Variants in RBFOX1 observed in about 807,000 individuals in gnomAD.
The protein encoded by RBFOX1 is RNA binding fox-1 homolog 1.
In RBFOX1, 8 loss-of-function variants were observed where a neutral mutation model predicts 57.7. The ratio of observed to expected loss-of-function variants is 0.14; its 90% CI spans 0.08 to 0.25. RBFOX1 has a LOEUF of 0.25. Among genes scored for constraint, RBFOX1 ranks in the 10% least tolerant of loss-of-function variants. The pLI, the probability that RBFOX1 is intolerant of heterozygous loss-of-function variation, is 1.00. For missense variants in RBFOX1, 611 were observed against 548.5 expected (o/e 1.11, Z -1.14); for synonymous variants, 326 against 222.4 (o/e 1.47, Z -4.15).
chr16:5,631,525 C>G (rs1198589807), intron 3 of RBFOX1, among the ~76,000 whole-genome samples: 2 of 151,614 alleles, frequency 1.3e-5, no homozygotes, highest in Non-Finnish European at 2.9e-5. Flanking sequence ...CCACTGCACT[C>G]CAGCCTGGTG....
chr16:7,585,939 G>C (rs891009992), intron 6 of RBFOX1, among the ~76,000 whole-genome samples: 1 of 151,798 alleles, frequency 6.6e-6, no homozygotes, highest in Non-Finnish European at 1.5e-5. Context: ...CAGTCGCTCT[G>C]TCCGCTGCCA....
At chr16:7,606,951 T>C (rs758883168) in intron 9 of RBFOX1, among the ~76,000 whole-genome samples, 1 of 152,154 alleles carries the variant, frequency 6.6e-6, no homozygotes, top group African/African-American at 2.4e-5. Context: ...AGCAGTGATA[T>C]ATAAAATAAG....
intron 2 of RBFOX1, among the ~76,000 whole-genome samples, chr16:6,631,506 C>G (rs1370794171): frequency 6.6e-6 from 1 of 151,902 alleles, no homozygotes; most frequent in Admixed American, 6.6e-5. Context: ...ACTCCATTCG[C>G]TCCTGAACAA....
At chr16:5,917,432 C>G (rs576140240) in intron 4 of RBFOX1, among the ~76,000 whole-genome samples, 1 of 152,192 alleles carries the variant, frequency 6.6e-6, no homozygotes, top group Non-Finnish European at 1.5e-5. Context: ...TTTATAAAAA[C>G]AGAGAGGTTG....
chr16:6,615,428 G>C (rs1340469589), intron 2 of RBFOX1, among the ~76,000 whole-genome samples: 13 of 152,022 alleles, frequency 8.6e-5, no homozygotes, highest in Admixed American at 8.5e-4. Context: ...AAATTAGCTG[G>C]GTGTGCTGGT....
chr16:7,205,749 C>G (rs186620662), intron 4 of RBFOX1, among the ~76,000 whole-genome samples: 16 of 152,294 alleles, frequency 1.1e-4, no homozygotes, highest in African/African-American at 3.8e-4. Context: ...GTCCCTGAGT[C>G]TTTGAAAAGG....
intron 4 of RBFOX1, among the ~76,000 whole-genome samples, chr16:7,266,045 G>C (rs2095127091): frequency 7.0e-6 from 1 of 142,366 alleles, no homozygotes; most frequent in East Asian, 2.1e-4. Context: ...CGCTATCTTG[G>C]CTCACTGCAA....
intron 10 of RBFOX1, among the ~76,000 whole-genome samples, chr16:7,625,528 T>C (rs1258747787): frequency 3.9e-5 from 6 of 152,182 alleles, no homozygotes; most frequent in Non-Finnish European, 7.3e-5. Flanking sequence ...TCTTAGGTAT[T>C]TCATAAAGTC....
chr16:7,278,687 T>C (rs1311577029), intron 4 of RBFOX1, among the ~76,000 whole-genome samples: 1 of 152,242 alleles, frequency 6.6e-6, no homozygotes, highest in Non-Finnish European at 1.5e-5. Flanking sequence ...TTTATTTTTA[T>C]TTCCTTTTCA....
At chr16:5,743,291 A>C (rs2151597061) in intron 3 of RBFOX1, among the ~76,000 whole-genome samples, 1 of 152,260 alleles carries the variant, frequency 6.6e-6, no homozygotes, top group African/African-American at 2.4e-5. Flanking sequence ...CTGTTTTCTG[A>C]GTTATACTGG....
chr16:6,119,755 C>T (rs948756073), intron 1 of RBFOX1, among the ~76,000 whole-genome samples: 1 of 152,202 alleles, frequency 6.6e-6, no homozygotes, highest in East Asian at 1.9e-4. Context: ...CTCCCTCAGC[C>T]TCCTGAAACA....
At chr16:7,232,674 T>C (rs1211241289) in intron 4 of RBFOX1, among the ~76,000 whole-genome samples, 2 of 151,898 alleles carry the variant, frequency 1.3e-5, no homozygotes. Context: ...AAACCCTGTC[T>C]CTACTAAAAA....
At chr16:6,240,077 C>G (rs1002226184) in intron 1 of RBFOX1, among the ~76,000 whole-genome samples, 9 of 152,080 alleles carry the variant, frequency 5.9e-5, no homozygotes, top group African/African-American at 1.9e-4. Flanking sequence ...TTAAACGCAT[C>G]TCGCTCTACT....
intron 2 of RBFOX1, among the ~76,000 whole-genome samples, chr16:6,388,568 C>T (rs1402529114): frequency 6.6e-6 from 1 of 151,818 alleles, no homozygotes; most frequent in Non-Finnish European, 1.5e-5. Flanking sequence ...TGGAATACTA[C>T]TCAGCCTTAA....
chr16:6,835,368 G>C (rs1276598763), intron 3 of RBFOX1, among the ~76,000 whole-genome samples: 1 of 152,100 alleles, frequency 6.6e-6, no homozygotes, highest in African/African-American at 2.4e-5. Flanking sequence ...GCATAATCAG[G>C]ACAGGAAAAG....
At chr16:6,812,312 C>A (rs1340332616) in intron 3 of RBFOX1, among the ~76,000 whole-genome samples, 2 of 152,124 alleles carry the variant, frequency 1.3e-5, no homozygotes, top group African/African-American at 4.8e-5. Context: ...ACTAACAGAA[C>A]CTTAGAAAGG....
At chr16:5,272,565 T>C (rs982868674) in intron 1 of RBFOX1, among the ~76,000 whole-genome samples, 1 of 152,176 alleles carries the variant, frequency 6.6e-6, no homozygotes, top group South Asian at 2.1e-4. Flanking sequence ...GACTGCTGCC[T>C]CTACCGATAC....
At chr16:7,056,211 C>G (rs948994329) in intron 4 of RBFOX1, among the ~76,000 whole-genome samples, 1 of 152,142 alleles carries the variant, frequency 6.6e-6, no homozygotes, top group Non-Finnish European at 1.5e-5. Context: ...GCCAGTTACT[C>G]CCAACAGTAG....
intron 3 of RBFOX1, among the ~76,000 whole-genome samples, chr16:6,803,866 C>T (rs903550080): frequency 9.2e-5 from 14 of 152,058 alleles, no homozygotes; most frequent in African/African-American, 3.1e-4. Flanking sequence ...CAATAAAAAA[C>T]CATGCTGTAA....
Sources: allele counts gnomAD v4.1 joint callset (sites outside exome capture counted in the v4.1 genomes callset), GRCh38; gene constraint gnomAD v4.1.1; transcripts MANE v1.5; gene names NCBI Gene and HGNC (gene_info 2026-07-23, HGNC 2026-07-21).